The following CDH18 variants were observed in gnomAD, a reference collection of about 807,000 sequenced individuals.
The protein encoded by CDH18 is cadherin-18.
In CDH18, 31 loss-of-function variants were observed where a neutral mutation model predicts 67.9. That is an observed-to-expected ratio of 0.46 (90% confidence interval 0.34 to 0.62). CDH18 has a LOEUF of 0.62. Among genes scored for constraint, CDH18 ranks in the 20% least tolerant of loss-of-function variants. The pLI is 0.01. For synonymous variants in CDH18, 362 were observed against 347.2 expected, an observed-to-expected ratio of 1.04 and a Z score of -0.48; for missense variants, 890 against 975.5, an observed-to-expected ratio of 0.91 and a Z score of 1.17.
chr5:19,910,183 C>A (rs1248887588), intron 2 of CDH18, among the ~76,000 whole-genome samples: 1 of 152,092 alleles, frequency 6.6e-6, no homozygotes, highest in Non-Finnish European at 1.5e-5. Flanking sequence ...GAGCTATTTG[C>A]AAATTTGTGT....
intron 6 of CDH18, among the ~76,000 whole-genome samples, chr5:19,603,908 G>A (rs1214186115): frequency 6.6e-6 from 1 of 150,930 alleles, no homozygotes; most frequent in African/African-American, 2.4e-5. Flanking sequence ...TCTTCAAGTA[G>A]TACTAGAATA....
chr5:20,024,702 A>G (rs1429495144), intron 2 of CDH18, among the ~76,000 whole-genome samples: 15 of 152,182 alleles, frequency 9.9e-5, no homozygotes, highest in Admixed American at 9.8e-4. Flanking sequence ...CACTTGCCTA[A>G]AGGGTTTAGA....
intron 5 of CDH18, among the ~76,000 whole-genome samples, chr5:19,681,884 A>G (rs1760385263): frequency 6.6e-6 from 1 of 151,948 alleles, no homozygotes; most frequent in African/African-American, 2.4e-5. Context: ...ACATGTGATA[A>G]ATTATTTTGC....
chr5:20,546,272 C>A (rs1201379262), intron 1 of CDH18, among the ~76,000 whole-genome samples: 2 of 152,120 alleles, frequency 1.3e-5, no homozygotes, highest in Non-Finnish European at 2.9e-5. Context: ...TTCTTCTGAG[C>A]CTTCCAAACT....
At position 19,994,855 on chromosome 5, in the gene CDH18, T is replaced by TATATATAGAGAGAGAGAGAG. The variant is rs760777430; in HGVS notation, c.-517-2842_-517-2841insCTCTCTCTCTCTCTATATAT. Among the ~76,000 whole-genome samples, 28 of 67,582 alleles carry TATATATAGAGAGAGAGAGAG rather than the reference T, an allele frequency of 4.1e-4. 4 individuals are homozygous for TATATATAGAGAGAGAGAGAG. The highest frequency in any genetic ancestry group is 1.9e-3 in the African/African-American group (26 of 13,596). 44.3% of individuals were successfully genotyped at this position (67,582 alleles called of 152,430 possible). On this transcript the variant is annotated intron_variant, in intron 2 of 14. Coordinates refer to the CDH18 transcript ENST00000507958. ...ATATATATATATATATATATATATA[T>TATATATAGAGAGAGAGAGAG]AGAGAGAGAGAGAGAGAGAGAGATG...
intron 9 of CDH18, among the ~76,000 whole-genome samples, chr5:19,535,418 T>C (rs566615887): frequency 6.6e-6 from 1 of 152,138 alleles, no homozygotes; most frequent in Admixed American, 6.6e-5. Flanking sequence ...ATAAGCACAT[T>C]GATAATAATA....
chr5:19,594,402 C>T (rs1224038446), intron 6 of CDH18, among the ~76,000 whole-genome samples: 1 of 152,150 alleles, frequency 6.6e-6, no homozygotes. Context: ...CCACCTGTCT[C>T]TGCCTTCCAA....
At chr5:20,270,219 G>A (rs1275400823) in intron 1 of CDH18, among the ~76,000 whole-genome samples, 1 of 151,930 alleles carries the variant, frequency 6.6e-6, no homozygotes, top group African/African-American at 2.4e-5. Flanking sequence ...ATAGGATATT[G>A]AGTAATAGAA....
intron 5 of CDH18, among the ~76,000 whole-genome samples, chr5:19,654,641 C>T (rs937842693): frequency 9.2e-5 from 14 of 152,308 alleles, no homozygotes; most frequent in Non-Finnish European, 1.3e-4. Flanking sequence ...TTTAGCTTTG[C>T]TGCTCACTGA....
chr5:19,562,825 G>C (rs1055506538), intron 8 of CDH18, among the ~76,000 whole-genome samples: 1 of 152,128 alleles, frequency 6.6e-6, no homozygotes, highest in African/African-American at 2.4e-5. Flanking sequence ...TGCAAAAGAA[G>C]GAAAGATGGG....
intron 3 of CDH18, among the ~76,000 whole-genome samples, chr5:19,809,824 C>A (rs1361523444): frequency 6.6e-6 from 1 of 152,008 alleles, no homozygotes; most frequent in Non-Finnish European, 1.5e-5. Context: ...AAAGGGATTC[C>A]ACTAAGAACC....
At chr5:19,839,751 G>A (rs1178798081) in intron 2 of CDH18, among the ~76,000 whole-genome samples, 1 of 152,124 alleles carries the variant, frequency 6.6e-6, no homozygotes, top group Non-Finnish European at 1.5e-5. Flanking sequence ...TCAATTGGCT[G>A]AATTATAGAT....
chr5:20,279,471 G>A (rs1445146499), intron 1 of CDH18, among the ~76,000 whole-genome samples: 3 of 151,878 alleles, frequency 2.0e-5, no homozygotes, highest in African/African-American at 7.3e-5. Context: ...GGCCGAGGCA[G>A]GTGGATCACC....
At chr5:20,305,648 G>A (rs976859392) in intron 1 of CDH18, 1 of 438,628 alleles carries the variant, frequency 2.3e-6, no homozygotes, top group Admixed American at 3.6e-5. Context: ...TGTCCGGGGG[G>A]TGGGGGGAGC....
intron 2 of CDH18, among the ~76,000 whole-genome samples, chr5:19,910,181 T>C (rs1790972176): frequency 6.6e-6 from 1 of 152,198 alleles, no homozygotes; most frequent in African/African-American, 2.4e-5. Flanking sequence ...AAGAGCTATT[T>C]GCAAATTTGT....
intron 2 of CDH18, among the ~76,000 whole-genome samples, chr5:20,027,331 A>G (rs148955525): frequency 1.3e-5 from 2 of 152,324 alleles, no homozygotes; most frequent in East Asian, 3.9e-4. Flanking sequence ...TAAATCAAAT[A>G]TAAATTAATA....
chr5:20,539,754 ACAAACACACAC>A lies in CDH18; in HGVS notation c.-580+35697_-580+35707del, dbSNP rs1561109966. On this transcript the variant is annotated intron_variant, in intron 1 of 14. Coordinates refer to the CDH18 transcript ENST00000507958. Reference sequence around the variant, plus strand: ...CCACTACACACACACACACACACACACAAACACACACACACACACACACACACCCTCCCTAG... The same window carrying A: ...CCACTACACACACACACACACACACAACACACACACACACACCCTCCCTAG... Among the ~76,000 whole-genome samples, 360 of 132,274 alleles carry A rather than the reference ACAAACACACAC, an allele frequency of 2.7e-3. 3 individuals carry two copies. Among genetic ancestry groups the A allele is most frequent in the Admixed American group, 0.02 (254 of 12,504 alleles). 86.8% of individuals were successfully genotyped at this position (132,274 alleles called of 152,430 possible).
intron 11 of CDH18, among the ~76,000 whole-genome samples, chr5:19,499,956 T>C (rs446427): frequency 2.6e-5 from 4 of 151,992 alleles, no homozygotes; most frequent in Admixed American, 2.6e-4. Flanking sequence ...CAGACTTTCA[T>C]GTGAGAAGTA....
At chr5:20,390,318 A>T (rs922879870) in intron 1 of CDH18, among the ~76,000 whole-genome samples, 2 of 152,236 alleles carry the variant, frequency 1.3e-5, no homozygotes, top group African/African-American at 4.8e-5. Flanking sequence ...TCCATCAAAA[A>T]GTAGGCAAAG....
Sources: allele counts gnomAD v4.1 joint callset (sites outside exome capture counted in the v4.1 genomes callset), GRCh38; gene constraint gnomAD v4.1.1; transcripts MANE v1.5; gene names NCBI Gene and HGNC (gene_info 2026-07-23, HGNC 2026-07-21).